CIZ1: variants seen among roughly 807,000 people sequenced by gnomAD.
The protein encoded by CIZ1 is cip1-interacting zinc finger protein.
CIZ1 carries 58 observed loss-of-function variants against 118.6 expected under a neutral mutation model. That is an observed-to-expected ratio of 0.49 (90% CI 0.40 to 0.61). CIZ1 has a LOEUF of 0.61. Among genes scored for constraint, CIZ1 ranks in the 20% least tolerant of loss-of-function variants. The pLI, the probability that CIZ1 is intolerant of heterozygous loss-of-function variation, is 0.00. For synonymous variants in CIZ1, 448 were observed against 443.4 expected (o/e 1.01, Z -0.13); for missense variants, 921 against 1,115.9 (o/e 0.83, Z 2.49).
chr9:128,191,473 G>T lies in CIZ1; in HGVS notation c.-47C>A. On this transcript the variant is annotated 5_prime_UTR_variant, in exon 1 of 17. Coordinates refer to ENST00000372938, the MANE Select transcript of CIZ1 (RefSeq NM_001131016.2). The surrounding 1 kb of genome is among the most constrained non-coding windows in gnomAD (Gnocchi z 5.5). ...CCCTCAACGCTCAAGTCGCCCCCAC[G>T]GATGGGCCGGCCCCGCAGCCCCCAC... 7.1e-6 allele frequency: 7 copies of T among 989,746 alleles called. No homozygotes were observed. The highest frequency in any genetic ancestry group is 8.4e-6 in the Non-Finnish European group (7 of 831,244). The allele number at this position is 989,746 out of a possible 1,614,324, so 61.3% of individuals were successfully genotyped here. A position where few individuals can be genotyped will look rare whatever the true frequency, so the allele number is the denominator to read the frequency against.
intron 11 of CIZ1, among the ~76,000 whole-genome samples, chr9:128,171,595 G>A (rs987285248): frequency 6.6e-6 from 1 of 151,520 alleles, no homozygotes; most frequent in Non-Finnish European, 1.5e-5. Context: ...AAATTAGCCG[G>A]GTGTGGTGGC....
At chr9:128,167,570 G>C in intron 14 of CIZ1, 1 of 187,870 alleles carries the variant, frequency 5.3e-6, no homozygotes. Context: ...GTTTGTGGAG[G>C]AGCTGGGCAG....
chr9:128,168,285 G>A (rs939717754), intron 14 of CIZ1, among the ~76,000 whole-genome samples: 10 of 152,222 alleles, frequency 6.6e-5, no homozygotes, highest in Non-Finnish European at 1.5e-4. Flanking sequence ...GTAGGCCGAG[G>A]TGGGTGGATC....
chr9:128,172,435 G>C (rs1372468256), intron 11 of CIZ1, among the ~76,000 whole-genome samples: 1 of 152,068 alleles, frequency 6.6e-6, no homozygotes, highest in Non-Finnish European at 1.5e-5. Context: ...GGAGGTTGCA[G>C]TGAGCCAAGA....
Position 128,178,351 on chromosome 9 carries a change from A to G in CIZ1, c.1620+18T>C, listed in dbSNP as rs45497192. 34,901 of 1,609,068 alleles carry G rather than the reference A, an allele frequency of 0.022. 478 individuals carry two copies. The highest frequency in any genetic ancestry group is 0.062 in the Middle Eastern group (376 of 6,020). On this transcript the variant is annotated intron_variant, in intron 9 of 16. Coordinates refer to ENST00000372938, the MANE Select transcript of CIZ1 (RefSeq NM_001131016.2). ...GGCTCTGTGGCCCTCACACTGCCACATCAGGGCCTCTACCCACCCCTGGCA... is the reference window on the plus strand; with the variant it reads ...GGCTCTGTGGCCCTCACACTGCCACGTCAGGGCCTCTACCCACCCCTGGCA...
In CIZ1 at chr9:128,170,039, C is replaced by T. The variant is rs768623243; in HGVS notation, c.2012G>A (p.Arg671His). Residue 671 changes from arginine to histidine, a missense_variant, in exon 12 of 17, where the codon CGC becomes CAC. Arg to His is a conservative substitution (Grantham distance 29, BLOSUM62 0). Transcript: ENST00000372938. ...TCCTACCTTGTGGTCCTGTGTCCTG[C>T]GGTGTTGGATCAGGTCCCCCATGTA... Reference protein sequence around the residue: ...LYYMGDLIQHRRTQDHKIAKQ... With the variant: ...LYYMGDLIQHHRTQDHKIAKQ... 6.2e-6 allele frequency: 10 copies of T among 1,613,604 alleles called. No homozygotes were observed. The highest frequency in any genetic ancestry group is 4.4e-5 in the South Asian group (4 of 91,070).
At chr9:128,200,149 A>G (rs1355539438) in intron 1 of CIZ1, 2 of 151,984 alleles carry the variant, frequency 1.3e-5, no homozygotes, top group Non-Finnish European at 2.9e-5. Flanking sequence ...GGCATCAGTG[A>G]TACAGCAGTA....
chr9:128,171,239 C>G (rs1830079541), intron 11 of CIZ1, among the ~76,000 whole-genome samples: 1 of 151,022 alleles, frequency 6.6e-6, no homozygotes, highest in Non-Finnish European at 1.5e-5. Context: ...CAAGACCAGC[C>G]TAGGCAACAT....
rs7869179 is a variant in CIZ1, at chr9:128,186,033, T to C, written c.359-257A>G. Among the ~76,000 whole-genome samples, 150,779 of 152,186 alleles carry C rather than the reference T, an allele frequency of 0.99. 74,706 individuals carry two copies. Among genetic ancestry groups the C allele is most frequent in the East Asian group, 1 (5,170 of 5,170 alleles). Reference sequence around the variant, plus strand: ...TGTTGCCTTTAGCATTCCCCAAAACTCTGCTCACCCTCAGGCATGCTTTAG... The same window carrying C: ...TGTTGCCTTTAGCATTCCCCAAAACCCTGCTCACCCTCAGGCATGCTTTAG... On this transcript the variant is annotated intron_variant, in intron 4 of 16. Transcript: ENST00000372938.
At chr9:128,197,889 A>G (rs984401067) in intron 1 of CIZ1, 4 of 152,254 alleles carry the variant, frequency 2.6e-5, no homozygotes, top group African/African-American at 9.6e-5. Flanking sequence ...AGGGGTTATT[A>G]TAATCCCCCT....
At position 128,190,701 on chromosome 9, in the gene CIZ1, T is replaced by C; in HGVS notation, c.157A>G (p.Met53Val). Reference sequence around the variant, plus strand: ...AGGGGAACTCACCGGCTGACAGCCATGGGCAACGGGGCCTGTGGTGGGGAC... The same window carrying C: ...AGGGGAACTCACCGGCTGACAGCCACGGGCAACGGGGCCTGTGGTGGGGAC... ...QQSPPQAPLPMAVSRGLPPQQ... is the reference protein window; with the variant it reads ...QQSPPQAPLPVAVSRGLPPQQ... Residue 53 changes from methionine to valine, a missense_variant, in exon 2 of 17, where the codon ATG (methionine) becomes GTG (valine). By Grantham distance (21) the Met-to-Val change is conservative. Coordinates refer to ENST00000372938, the MANE Select transcript of CIZ1 (RefSeq NM_001131016.2). 1 of 1,552,376 alleles carries C rather than the reference T, an allele frequency of 6.4e-7. No homozygotes were observed. Among genetic ancestry groups the C allele is most frequent in the Non-Finnish European group, 8.7e-7 (1 of 1,149,592 alleles).
At chr9:128,180,271 C>A (rs1831407172) in intron 7 of CIZ1, 144 bp downstream of exon 7, 7 of 633,284 alleles carry the variant, frequency 1.1e-5, no homozygotes, top group Non-Finnish European at 1.7e-5. Context: ...ATAAGTAAGG[C>A]CTTCCTCCAA....
intron 5 of CIZ1, among the ~76,000 whole-genome samples, chr9:128,184,132 G>C (rs765620687): frequency 6.6e-6 from 1 of 152,118 alleles, no homozygotes; most frequent in Non-Finnish European, 1.5e-5. Flanking sequence ...GTTATGATAT[G>C]ATGTTTCCTT....
intron 7 of CIZ1, among the ~76,000 whole-genome samples, chr9:128,179,721 G>A (rs1831331107): frequency 6.6e-6 from 1 of 152,110 alleles, no homozygotes; most frequent in Non-Finnish European, 1.5e-5. Context: ...TGCCCAGGCT[G>A]GAGTGCAATG....
At chr9:128,180,837 T>C (rs1236139353) in intron 5 of CIZ1, 23 bp from the exon 6 acceptor site, 3 of 1,560,266 alleles carry the variant, frequency 1.9e-6, no homozygotes, top group Non-Finnish European at 1.8e-6. Context: ...AGAAACTATG[T>C]TGACATCCAA....
At position 128,178,866 on chromosome 9, in the gene CIZ1, C is replaced by T. The variant is rs61744003; in HGVS notation, c.1341G>A (p.Glu447=). The change falls in exon 8 of 17, where the codon GAG becomes GAA. Residue 447 remains glutamate, a synonymous_variant. Coordinates refer to ENST00000372938, the MANE Select transcript of CIZ1 (RefSeq NM_001131016.2). The part of the protein sequence containing the change: ...TQAQPSVQPQ[E]HPPAQVSVQP... ...GTACTGACACCTGCGCTGGAGGATG[C>T]TCCTGTGGCTGGACGCTTGGCTGTG... 28 of 1,614,124 alleles carry T rather than the reference C, an allele frequency of 1.7e-5. No individual in the cohort carries two copies. The highest frequency in any genetic ancestry group is 7.6e-6 in the Non-Finnish European group (9 of 1,180,050).
Position 128,187,868 on chromosome 9 carries a change from G to A in CIZ1, c.353C>T (p.Thr118Ile), listed in dbSNP as rs371329389. ...ATATAAAAAGCATATAATACCCAGT[G>A]TTGCTGTGGGCATGGTGAGACCGGC... ...DTAGLTMPTA[T>I]LGNLRGYGMA... Residue 118 changes from threonine to isoleucine, a missense_variant, in exon 4 of 17, where the codon ACA (threonine) becomes ATA (isoleucine). Coordinates refer to ENST00000372938, the MANE Select transcript of CIZ1 (RefSeq NM_001131016.2). The A allele has an allele frequency of 6.8e-5, 50 of 730,282 alleles. No individual in the cohort carries two copies. Among genetic ancestry groups the A allele is most frequent in the Non-Finnish European group, 1.2e-4 (47 of 390,724 alleles). 45.2% of individuals were successfully genotyped at this position (730,282 alleles called of 1,614,324 possible).
In CIZ1 at chr9:128,178,822, T is replaced by C. The variant is rs757433230; in HGVS notation, c.1385A>G (p.His462Arg). The change falls in exon 8 of 17, where the codon CAT becomes CGT. Residue 462 changes from histidine to arginine, a missense_variant. Physicochemically the swap from His to Arg is conservative, Grantham distance 29. Coordinates refer to ENST00000372938, the MANE Select transcript of CIZ1 (RefSeq NM_001131016.2). Reference sequence around the variant, plus strand: ...CTGCGGCTGGGTGTGAGGCTGCTCATGGGTCTGCTCTGGTGGCTGTACTGA... The same window carrying C: ...CTGCGGCTGGGTGTGAGGCTGCTCACGGGTCTGCTCTGGTGGCTGTACTGA... The part of the protein sequence containing the change: ...QVSVQPPEQT[H>R]EQPHTQPQVS... 4.3e-6 allele frequency: 7 copies of C among 1,614,218 alleles called. No individual in the cohort carries two copies. The highest frequency in any genetic ancestry group is 4.5e-5 in the East Asian group (2 of 44,890).
At chr9:128,200,883 C>T (rs1448415659) in intron 1 of CIZ1, among the ~76,000 whole-genome samples, 1 of 151,910 alleles carries the variant, frequency 6.6e-6, no homozygotes, top group East Asian at 1.9e-4. Flanking sequence ...TTCCCGTAAT[C>T]CCAACACTTT....
Sources: gnomAD v4.1 joint callset for allele counts (sites outside exome capture counted in the v4.1 genomes callset) on GRCh38, gnomAD v4.1.1 for gene constraint, Gnocchi (gnomAD v3.1) non-coding constraint, MANE v1.5 for transcripts, NCBI Gene and HGNC (gene_info 2026-07-23, HGNC 2026-07-21) for gene names.